Variants in GRM5 observed in about 807,000 individuals in gnomAD.
GRM5 encodes the protein glutamate metabotropic receptor 5.
Under a neutral mutation model 83.1 loss-of-function variants are expected in GRM5, and 19 were observed. The ratio of observed to expected loss-of-function variants is 0.23; its 90% confidence interval spans 0.16 to 0.34. The LOEUF (loss-of-function observed/expected upper bound fraction) is 0.34, where lower values mean the gene tolerates loss of function less well. GRM5 is among the 10% of genes least tolerant of loss of function. GRM5 has a pLI of 1.00. For synonymous variants in GRM5, 675 were observed against 633.6 expected (o/e 1.07, Z -0.98); for missense variants, 1,160 against 1,588.3 (o/e 0.73, Z 4.58).
At chr11:88,913,852 G>T (rs1565289524) in intron 2 of GRM5, among the ~76,000 whole-genome samples, 1 of 152,022 alleles carries the variant, frequency 6.6e-6, no homozygotes, top group Non-Finnish European at 1.5e-5. Context: ...CTCCCAAAGT[G>T]CTAGAATTAC....
chr11:89,041,345 G>A (rs888117220), intron 2 of GRM5, among the ~76,000 whole-genome samples: 3 of 152,176 alleles, frequency 2.0e-5, no homozygotes, highest in African/African-American at 4.8e-5. Context: ...AGTCATCCTG[G>A]ACATGGAGTA....
At chr11:89,041,754 G>T (rs868049789) in intron 2 of GRM5, among the ~76,000 whole-genome samples, 1 of 152,124 alleles carries the variant, frequency 6.6e-6, no homozygotes, top group African/African-American at 2.4e-5. Flanking sequence ...AATTAGAGTT[G>T]CCCACTGTGT....
At chr11:88,599,381 A>T (rs933124571) in intron 5 of GRM5, among the ~76,000 whole-genome samples, 2 of 152,158 alleles carry the variant, frequency 1.3e-5, no homozygotes, top group African/African-American at 4.8e-5. Flanking sequence ...ATTTCTAGTC[A>T]TTGTTTCTTA....
chr11:88,720,904 C>T (rs1222013503), intron 3 of GRM5, among the ~76,000 whole-genome samples: 1 of 150,920 alleles, frequency 6.6e-6, no homozygotes, highest in Non-Finnish European at 1.5e-5. Context: ...CAACAAAATC[C>T]AGTAAGGTTC....
At chr11:88,593,017 A>G (rs1381651090) in intron 6 of GRM5, among the ~76,000 whole-genome samples, 2 of 152,092 alleles carry the variant, frequency 1.3e-5, no homozygotes, top group Non-Finnish European at 2.9e-5. Context: ...ATGGGGTCTC[A>G]CTAAATTGCC....
intron 3 of GRM5, among the ~76,000 whole-genome samples, chr11:88,748,656 T>C (rs1021679004): frequency 6.6e-6 from 1 of 152,100 alleles, no homozygotes; most frequent in African/African-American, 2.4e-5. Context: ...GACCTTCCAA[T>C]GGAGGTCTCC....
intron 2 of GRM5, among the ~76,000 whole-genome samples, chr11:89,024,362 A>G (rs1166788490): frequency 6.6e-6 from 1 of 152,254 alleles, no homozygotes; most frequent in East Asian, 1.9e-4. Flanking sequence ...TGATCCCTCA[A>G]CTGCACCATC....
chr11:88,831,465 CA>C (rs779721913), intron 3 of GRM5, among the ~76,000 whole-genome samples: 1 of 152,200 alleles, frequency 6.6e-6, no homozygotes. Context: ...CCTAACCAAG[CA>C]TTCTGCCAGG....
At chr11:88,949,940 C>T (rs550872480) in intron 2 of GRM5, among the ~76,000 whole-genome samples, 4 of 152,240 alleles carry the variant, frequency 2.6e-5, no homozygotes, top group Middle Eastern at 3.4e-3. Flanking sequence ...TCTCAGCTCA[C>T]TGCAACCTCT....
intron 2 of GRM5, among the ~76,000 whole-genome samples, chr11:88,954,860 C>T (rs1243891941): frequency 6.6e-6 from 1 of 152,126 alleles, no homozygotes; most frequent in Non-Finnish European, 1.5e-5. Flanking sequence ...CATTGTGGAA[C>T]AGGTGCTCGG....
Position 88,786,033 on chromosome 11 carries a change from G to C in GRM5, c.911+63873C>G, listed in dbSNP as rs1049758937. On this transcript the variant is annotated intron_variant, in intron 3 of 9. Transcript: ENST00000305447. ...TACCAAGGGGAAGCATACATTTTCT[G>C]TTCTCTGCTTTTATACTCATGTGTC... Among the ~76,000 whole-genome samples the C allele has an allele frequency of 2.6e-5, 4 of 152,078 alleles. No individual in the cohort carries two copies. The East Asian group carries it at 5.8e-4, about 22-fold the overall frequency.
intron 3 of GRM5, among the ~76,000 whole-genome samples, chr11:88,838,370 G>A (rs1227407564): frequency 6.6e-6 from 1 of 152,082 alleles, no homozygotes; most frequent in Non-Finnish European, 1.5e-5. Context: ...GGTTAAGTGT[G>A]TACGACTCCA....
Position 88,507,899 on chromosome 11 carries a change from G to A in GRM5, c.*693C>T, listed in dbSNP as rs1412806567. The stretch of plus-strand genomic sequence containing the variant: ...TCTGAAATAAGTAGGTGGAATCCCC[G>A]ATGCAGGCTTTTGGAAGAGTATTTC... On this transcript the variant is annotated 3_prime_UTR_variant, in exon 10 of 10. Coordinates refer to ENST00000305447, the MANE Select transcript of GRM5 (RefSeq NM_001143831.3). The A allele has an allele frequency of 1.3e-5, 2 of 152,674 alleles. No homozygotes were observed. Among genetic ancestry groups the A allele is most frequent in the African/African-American group, 2.4e-5 (1 of 41,550 alleles). The allele number at this position is 152,674 out of a possible 1,614,324, so 9.5% of individuals were successfully genotyped here.
chr11:89,019,310 G>T (rs900884124), intron 2 of GRM5, among the ~76,000 whole-genome samples: 6 of 152,072 alleles, frequency 3.9e-5, no homozygotes, highest in African/African-American at 1.4e-4. Context: ...CATTGTTTAT[G>T]TTACACTTGA....
rs531571425 is a variant in GRM5, at chr11:88,702,976, C to T, written c.912-49573G>A. ...ATTTATGTTGTTTAAGCCATTCGAT[C>T]GGTGATATTCTGTTAGGTCAGCCTA... is the stretch of plus-strand genomic sequence containing the variant. On this transcript the variant is annotated intron_variant, in intron 3 of 9. Transcript: ENST00000305447. Among the ~76,000 whole-genome samples, 11 of 152,204 alleles carry T rather than the reference C, an allele frequency of 7.2e-5. No individual in the cohort carries two copies. In the East Asian group the frequency reaches 7.7e-4, roughly 11 times the overall value.
At chr11:88,525,712 A>G (rs141236368) in intron 8 of GRM5, among the ~76,000 whole-genome samples, 26 of 152,346 alleles carry the variant, frequency 1.7e-4, no homozygotes, top group Admixed American at 4.6e-4. Flanking sequence ...AGCATCTTAG[A>G]AAAAGATGAA....
At chr11:89,005,242 T>A (rs990092497) in intron 2 of GRM5, among the ~76,000 whole-genome samples, 1 of 152,246 alleles carries the variant, frequency 6.6e-6, no homozygotes, top group Non-Finnish European at 1.5e-5. Context: ...TTGTCAGAGC[T>A]TGTTGAAAGA....
At chr11:88,610,748 G>C (rs1938289564) in intron 4 of GRM5, among the ~76,000 whole-genome samples, 1 of 152,130 alleles carries the variant, frequency 6.6e-6, no homozygotes, top group African/African-American at 2.4e-5. Flanking sequence ...AGGACTTCCA[G>C]CACTACATTG....
At position 88,717,191 on chromosome 11, in the gene GRM5, A is replaced by T. The variant is rs562537059; in HGVS notation, c.912-63788T>A. ...GGAATCAGTTCTCTTCATTACAGAT[A>T]ATCAATATAATGGCCATTGAGAATT... On this transcript the variant is annotated intron_variant, in intron 3 of 9. Transcript: ENST00000305447. Among the ~76,000 whole-genome samples the T allele has an allele frequency of 2.6e-5, 4 of 152,046 alleles. No homozygotes were observed. The South Asian group carries it at 8.3e-4, about 32-fold the overall frequency.
Sources: allele counts gnomAD v4.1 joint callset (sites outside exome capture counted in the v4.1 genomes callset), GRCh38; gene constraint gnomAD v4.1.1; transcripts MANE v1.5; gene names NCBI Gene and HGNC (gene_info 2026-07-23, HGNC 2026-07-21).